The following SH2D1B variants were observed in gnomAD, a reference collection of about 807,000 sequenced individuals.
The protein encoded by SH2D1B is SH2 domain containing 1B.
SH2D1B carries 11 observed loss-of-function variants against 16.3 expected under a neutral mutation model. That is an observed-to-expected ratio of 0.67 (90% CI 0.42 to 1.11). The LOEUF is 1.11. SH2D1B is among the 50% of genes most tolerant of loss of function. The pLI is 0.00. For missense variants in SH2D1B, 123 were observed against 153.1 expected, an observed-to-expected ratio of 0.80 and a Z score of 1.04; for synonymous variants, 55 against 56.1, an observed-to-expected ratio of 0.98 and a Z score of 0.09.
chr1:162,402,512 C>A, intron 2 of SH2D1B: 1 of 408,424 alleles, frequency 2.4e-6, no homozygotes, highest in Non-Finnish European at 4.4e-6. Flanking sequence ...AGCGAGACTC[C>A]GTCTAAAAAA....
At chr1:162,399,640 T>C (rs953310438) in intron 2 of SH2D1B, among the ~76,000 whole-genome samples, 17 of 152,314 alleles carry the variant, frequency 1.1e-4, no homozygotes, top group African/African-American at 3.8e-4. Context: ...CTATTCTTCC[T>C]GATCCTCTCC....
In SH2D1B at chr1:162,404,477, G is replaced by A. The variant is rs185277066; in HGVS notation, c.135-1675C>T. ...TAGCTAGATTTAGTCATTCCACAACGTATATATATTTTAAAACATCACATT... is the reference window on the plus strand; with the variant it reads ...TAGCTAGATTTAGTCATTCCACAACATATATATATTTTAAAACATCACATT... On this transcript the variant is annotated intron_variant, in intron 1 of 3. Transcript: ENST00000367929. Among the ~76,000 whole-genome samples, 996 of 152,018 alleles carry A rather than the reference G, an allele frequency of 6.6e-3. 8 individuals carry two copies. The highest frequency in any genetic ancestry group is 0.027 in the Middle Eastern group (8 of 294).
At chr1:162,398,091 CA>C (rs1299196822) in intron 3 of SH2D1B, among the ~76,000 whole-genome samples, 1 of 152,120 alleles carries the variant, frequency 6.6e-6, no homozygotes, top group African/African-American at 2.4e-5. Flanking sequence ...CCGGCTATGG[CA>C]GCCTAAAGGG....
At chr1:162,407,854 A>C (rs1648686363) in intron 1 of SH2D1B, among the ~76,000 whole-genome samples, 1 of 152,198 alleles carries the variant, frequency 6.6e-6, no homozygotes, top group South Asian at 2.1e-4. Context: ...AAACATTGCC[A>C]GTAGTATTTA....
intron 2 of SH2D1B, among the ~76,000 whole-genome samples, chr1:162,402,001 T>A (rs1402143739): frequency 6.6e-6 from 1 of 152,240 alleles, no homozygotes; most frequent in African/African-American, 2.4e-5. Context: ...AAACAAACCC[T>A]AAGACTTTCA....
intron 1 of SH2D1B, 61 bp from the exon 2 acceptor site, chr1:162,402,863 G>A (rs1571273051): frequency 2.2e-6 from 3 of 1,337,524 alleles, no homozygotes; most frequent in South Asian, 2.4e-5. Context: ...AACATCTATC[G>A]TTATGTTTCA....
intron 1 of SH2D1B, among the ~76,000 whole-genome samples, chr1:162,404,650 A>G (rs1648609766): frequency 3.9e-5 from 6 of 152,192 alleles, no homozygotes; most frequent in Admixed American, 3.9e-4. Context: ...AACCTCAATA[A>G]AAAAAGAAAA....
chr1:162,402,090 C>T (rs959829991), intron 2 of SH2D1B, among the ~76,000 whole-genome samples: 2 of 152,212 alleles, frequency 1.3e-5, no homozygotes, highest in African/African-American at 4.8e-5. Context: ...CCTCTTTCCA[C>T]CGTCCCTTTC....
At chr1:162,402,454 G>C (rs373425759) in intron 2 of SH2D1B, 71 of 220,770 alleles carry the variant, frequency 3.2e-4, no homozygotes, top group Non-Finnish European at 5.0e-4. Flanking sequence ...GGAGGCGGAG[G>C]TTGCAGTGAG....
At chr1:162,399,113 A>T in intron 2 of SH2D1B, 26 bp from the exon 3 acceptor site, 1 of 1,590,238 alleles carries the variant, frequency 6.3e-7, no homozygotes, top group Non-Finnish European at 8.6e-7. Flanking sequence ...AAAGGAAATC[A>T]CTCATTATCA....
chr1:162,399,384 G>C (rs12139643), intron 2 of SH2D1B, among the ~76,000 whole-genome samples: 34,911 of 152,174 alleles, frequency 0.23, 4,602 homozygotes, highest in Non-Finnish European at 0.29. Context: ...CAGATACACT[G>C]TGAAGGGTAC....
At chr1:162,402,609 T>G (rs979662080) in intron 2 of SH2D1B, 130 bp downstream of exon 2, 5 of 703,498 alleles carry the variant, frequency 7.1e-6, no homozygotes, top group Non-Finnish European at 1.2e-5. Flanking sequence ...TCGATCTGAC[T>G]CTCATCTCTG....
chr1:162,410,776 C>T (rs1455652183), intron 1 of SH2D1B, among the ~76,000 whole-genome samples: 1 of 151,672 alleles, frequency 6.6e-6, no homozygotes, highest in Non-Finnish European at 1.5e-5. Flanking sequence ...CCTGCCTCAG[C>T]CTCCCAAATA....
intron 1 of SH2D1B, among the ~76,000 whole-genome samples, chr1:162,406,096 T>C (rs776803852): frequency 2.0e-5 from 3 of 152,242 alleles, no homozygotes; most frequent in Non-Finnish European, 2.9e-5. Context: ...AGAAATATTT[T>C]AAGACTTTTG....
intron 1 of SH2D1B, 75 bp from the exon 2 acceptor site, chr1:162,402,877 G>A: frequency 2.6e-6 from 3 of 1,133,010 alleles, no homozygotes; most frequent in South Asian, 2.6e-5. Flanking sequence ...TGTTTCATAT[G>A]CAATACCTTT....
chr1:162,408,541 T>C (rs1436043614), intron 1 of SH2D1B, among the ~76,000 whole-genome samples: 2 of 151,384 alleles, frequency 1.3e-5, no homozygotes, highest in African/African-American at 4.9e-5. Flanking sequence ...GCCTCCTGAG[T>C]AGCTGGGACT....
At chr1:162,397,914 T>G (rs1337585869) in intron 3 of SH2D1B, among the ~76,000 whole-genome samples, 1 of 149,896 alleles carries the variant, frequency 6.7e-6, no homozygotes, top group Non-Finnish European at 1.5e-5. Context: ...TTCTATAAAT[T>G]TGGGGGGGAA....
intron 1 of SH2D1B, among the ~76,000 whole-genome samples, chr1:162,405,156 G>A (rs1333157752): frequency 6.6e-6 from 1 of 152,168 alleles, no homozygotes; most frequent in Non-Finnish European, 1.5e-5. Context: ...AATAAAAGAA[G>A]TCAGATAAAA....
intron 1 of SH2D1B, among the ~76,000 whole-genome samples, chr1:162,407,564 TACC>T (rs1648680916): frequency 6.6e-6 from 1 of 152,264 alleles, no homozygotes; most frequent in Admixed American, 6.5e-5. Context: ...ATAATGCATG[TACC>T]ATGCTTAGCA....
Sources: gnomAD v4.1 joint callset for allele counts (sites outside exome capture counted in the v4.1 genomes callset) on GRCh38, gnomAD v4.1.1 for gene constraint, MANE v1.5 for transcripts, NCBI Gene and HGNC (gene_info 2026-07-23, HGNC 2026-07-21) for gene names.